HCRTR2: variants seen among roughly 807,000 people sequenced by gnomAD.
The protein encoded by HCRTR2 is hypocretin receptor 2.
In HCRTR2, 22 loss-of-function variants were observed where a neutral mutation model predicts 49.0. That is an observed-to-expected ratio of 0.45 (90% CI 0.32 to 0.64). The LOEUF (loss-of-function observed/expected upper bound fraction) is 0.64. HCRTR2 is among the 30% of genes least tolerant of loss of function. HCRTR2 has a pLI of 0.04. For synonymous variants in HCRTR2, 236 were observed against 205.3 expected (o/e 1.15, Z -1.28); for missense variants, 491 against 559.4 (o/e 0.88, Z 1.23).
intron 4 of HCRTR2, among the ~76,000 whole-genome samples, chr6:55,276,061 A>T (rs1319806680): frequency 1.3e-5 from 2 of 152,124 alleles, no homozygotes; most frequent in Non-Finnish European, 2.9e-5. Flanking sequence ...CATTCTTTTC[A>T]GTTATTTTTT....
chr6:55,229,593 T>C (rs961434959), intron 1 of HCRTR2, among the ~76,000 whole-genome samples: 1 of 152,158 alleles, frequency 6.6e-6, no homozygotes. Context: ...ACATCATAGA[T>C]GAACCTGCAG....
rs750916261 is a variant in HCRTR2 at position 55,255,130 on chromosome 6, C to T, written c.403-6C>T. The T allele has an allele frequency of 1.1e-5, 18 of 1,613,550 alleles. No individual in the cohort carries two copies. The African/African-American group carries it at 2.0e-4, about 18-fold the overall frequency. ...TCTCTATTACTATGATCTTTCTTTT[C>T]TCTAGACCGTGTCGGTGTCTGTGTC... On this transcript the variant is annotated splice_polypyrimidine_tract_variant and splice_region_variant and intron_variant, in intron 2 of 6. Coordinates refer to ENST00000370862, the MANE Select transcript of HCRTR2 (RefSeq NM_001384272.1).
intron 1 of HCRTR2, among the ~76,000 whole-genome samples, chr6:55,217,166 TA>T (rs1316806439): frequency 1.3e-5 from 2 of 152,120 alleles, no homozygotes; most frequent in Admixed American, 6.5e-5. Context: ...CCCCTGAAAC[TA>T]TTCTACCCTC....
intron 3 of HCRTR2, among the ~76,000 whole-genome samples, chr6:55,262,402 A>G (rs1418322394): frequency 7.3e-6 from 1 of 137,206 alleles, no homozygotes; most frequent in Non-Finnish European, 1.5e-5. Flanking sequence ...TAAATATATA[A>G]TGTATTATAT....
At chr6:55,184,009 C>G (rs1355975097) in intron 1 of HCRTR2, among the ~76,000 whole-genome samples, 1 of 152,062 alleles carries the variant, frequency 6.6e-6, no homozygotes, top group African/African-American at 2.4e-5. Flanking sequence ...CTCACTGCAA[C>G]CTCCGCCTTC....
intron 6 of HCRTR2, among the ~76,000 whole-genome samples, chr6:55,281,261 T>C (rs1017256699): frequency 6.6e-6 from 1 of 152,048 alleles, no homozygotes; most frequent in Non-Finnish European, 1.5e-5. Flanking sequence ...TTTGCATAGG[T>C]TTAAAAAAAA....
Position 55,282,584 on chromosome 6 carries a change from G to C in HCRTR2, c.*130G>C, listed in dbSNP as rs199728482. ...GGATCTTTTTTTTTTTTAATCTATT[G>C]CTCTTTGGAAATAAAAAAAAAGTCA... is the stretch of plus-strand genomic sequence containing the variant. On this transcript the variant is annotated 3_prime_UTR_variant, in exon 7 of 7. Coordinates refer to ENST00000370862, the MANE Select transcript of HCRTR2 (RefSeq NM_001384272.1). 5 of 624,722 alleles carry C rather than the reference G, an allele frequency of 8.0e-6. No homozygotes were observed. Among genetic ancestry groups the C allele is most frequent in the Non-Finnish European group, 1.1e-5 (4 of 358,430 alleles). The allele number at this position is 624,722 out of a possible 1,614,324, so 38.7% of individuals were successfully genotyped here. A position where few individuals can be genotyped will look rare whatever the true frequency, so the allele number is the denominator to read the frequency against.
At chr6:55,117,004 G>A (rs896715725) in intron 1 of HCRTR2, among the ~76,000 whole-genome samples, 2 of 151,744 alleles carry the variant, frequency 1.3e-5, no homozygotes, top group African/African-American at 4.8e-5. Context: ...GTATATAAAA[G>A]AGAGAACCAA....
chr6:55,172,750 A>C (rs1346014626), upstream of HCRTR2, among the ~76,000 whole-genome samples: 1 of 151,996 alleles, frequency 6.6e-6, no homozygotes, highest in Non-Finnish European at 1.5e-5. Context: ...CTAAGCCCTC[A>C]GGGGTTTAAA....
chr6:55,124,968 A>T (rs972760115), intron 1 of HCRTR2, among the ~76,000 whole-genome samples: 1 of 151,716 alleles, frequency 6.6e-6, no homozygotes, highest in African/African-American at 2.4e-5. Flanking sequence ...GTGCTTGGTA[A>T]ATAATCCTCC....
intron 1 of HCRTR2, among the ~76,000 whole-genome samples, chr6:55,108,406 G>C (rs182662715): frequency 7.2e-5 from 11 of 152,176 alleles, no homozygotes. Flanking sequence ...CAAACTCCGA[G>C]AGACAGCTGA....
chr6:55,247,200 C>A (rs1186465809), intron 1 of HCRTR2, among the ~76,000 whole-genome samples: 6 of 151,894 alleles, frequency 4.0e-5, no homozygotes, highest in African/African-American at 1.5e-4. Context: ...CACTCAATGG[C>A]ATAATTTTCA....
chr6:55,148,442 G>A (rs1446853767), intron 1 of HCRTR2, among the ~76,000 whole-genome samples: 2 of 152,034 alleles, frequency 1.3e-5, no homozygotes, highest in Non-Finnish European at 2.9e-5. Context: ...ATAGAAGTGG[G>A]CATTCCTTGC....
At chr6:55,185,924 A>G (rs572915586) in intron 1 of HCRTR2, among the ~76,000 whole-genome samples, 1 of 152,252 alleles carries the variant, frequency 6.6e-6, no homozygotes, top group South Asian at 2.1e-4. Context: ...ACAATTTCTG[A>G]TCCTCCTATG....
In HCRTR2 at chr6:55,245,469, TTATATATATATATATATATA is replaced by T. The variant is rs745939954; in HGVS notation, c.224-3152_224-3133del. Among the ~76,000 whole-genome samples the T allele has an allele frequency of 1.8e-4, 10 of 56,772 alleles. 1 individual carries two copies. The East Asian group carries it at 2.2e-3, about 12-fold the overall frequency. The allele number at this position is 56,772 out of a possible 152,430, so 37.2% of individuals were successfully genotyped here. On this transcript the variant is annotated intron_variant, in intron 1 of 6. Coordinates refer to ENST00000370862, the MANE Select transcript of HCRTR2 (RefSeq NM_001384272.1). Reference sequence around the variant, plus strand: ...TACACATAGAATACATAGGAAGATTTTATATATATATATATATATATATATATATATATATATCTTCCCCA... The same window carrying T: ...TACACATAGAATACATAGGAAGATTTTATATATATATATATATCTTCCCCA...
At chr6:55,242,937 T>C (rs1299952279) in intron 1 of HCRTR2, among the ~76,000 whole-genome samples, 2 of 152,232 alleles carry the variant, frequency 1.3e-5, no homozygotes, top group East Asian at 3.8e-4. Flanking sequence ...ACTTAAATCA[T>C]AAAAACTATA....
intron 1 of HCRTR2, among the ~76,000 whole-genome samples, chr6:55,232,607 A>G (rs1766136767): frequency 6.6e-6 from 1 of 152,250 alleles, no homozygotes; most frequent in African/African-American, 2.4e-5. Flanking sequence ...TTAAATATTC[A>G]GAGATAGAAA....
At chr6:55,194,315 T>C (rs1297443457) in intron 1 of HCRTR2, among the ~76,000 whole-genome samples, 1 of 152,144 alleles carries the variant, frequency 6.6e-6, no homozygotes, top group Admixed American at 6.5e-5. Context: ...TGTTGCTAAG[T>C]ATGTGACTTC....
intron 1 of HCRTR2, among the ~76,000 whole-genome samples, chr6:55,200,909 G>A (rs1765501841): frequency 6.6e-6 from 1 of 151,992 alleles, no homozygotes. Flanking sequence ...GTTATCTAGT[G>A]TTGTCTTGAT....
Sources: gnomAD v4.1 joint callset for allele counts (sites outside exome capture counted in the v4.1 genomes callset) on GRCh38, gnomAD v4.1.1 for gene constraint, MANE v1.5 for transcripts, NCBI Gene and HGNC (gene_info 2026-07-23, HGNC 2026-07-21) for gene names.